The following COMMD10 variants were observed in gnomAD, a reference collection of about 807,000 sequenced individuals.
COMMD10 encodes the protein COMM domain-containing protein 10.
COMMD10 carries 33 observed loss-of-function variants against 28.9 expected under a neutral mutation model. That is an observed-to-expected ratio of 1.14 (90% confidence interval 0.87 to 1.53). The LOEUF (loss-of-function observed/expected upper bound fraction) is 1.53. Ranked by LOEUF, COMMD10 falls within the 40% of genes most tolerant of loss-of-function variation. The pLI is 0.00. For missense variants in COMMD10, 310 were observed against 233.4 expected, an observed-to-expected ratio of 1.33 and a Z score of -2.14; for synonymous variants, 110 against 81.7, an observed-to-expected ratio of 1.35 and a Z score of -1.87.
At chr5:116,207,613 C>A (rs1748845961) in intron 5 of COMMD10, among the ~76,000 whole-genome samples, 1 of 152,124 alleles carries the variant, frequency 6.6e-6, no homozygotes, top group Non-Finnish European at 1.5e-5. Context: ...GCAGCCTCCG[C>A]CTCCTGGGTT....
At chr5:116,087,236 G>T (rs988001157) in intron 1 of COMMD10, among the ~76,000 whole-genome samples, 1 of 152,114 alleles carries the variant, frequency 6.6e-6, no homozygotes, top group Non-Finnish European at 1.5e-5. Context: ...GCAGTACAAG[G>T]TTTCCCTAGT....
intron 5 of COMMD10, among the ~76,000 whole-genome samples, chr5:116,154,787 ATTT>A (rs35133023): frequency 5.1e-4 from 77 of 149,588 alleles, no homozygotes; most frequent in African/African-American, 1.1e-3. Flanking sequence ...ATAGCCCTTC[ATTT>A]TTTTTTTTTT....
rs1207963374 is a variant in COMMD10 at position 116,091,176 on chromosome 5, T to C, written c.230T>C (p.Phe77Ser). The C allele has an allele frequency of 1.9e-6, 3 of 1,589,030 alleles. No homozygotes were observed. The African/African-American group carries it at 4.0e-5, about 21-fold the overall frequency. Reference sequence around the variant, plus strand: ...CACCTAGTTCTTGAAACAATATCATTTATTTTAGAACAGGTATTTTTATTG... The same window carrying C: ...CACCTAGTTCTTGAAACAATATCATCTATTTTAGAACAGGTATTTTTATTG... ...DLHLVLETIS[F>S]ILEQAVYHNV... Residue 77 changes from phenylalanine to serine, a missense_variant, in exon 3 of 7, where the codon TTT (phenylalanine) becomes TCT (serine). By Grantham distance (155) the Phe-to-Ser change is radical. Coordinates refer to ENST00000274458, the MANE Select transcript of COMMD10 (RefSeq NM_016144.4).
chr5:116,183,682 C>T (rs1342943318), intron 5 of COMMD10, among the ~76,000 whole-genome samples: 1 of 152,096 alleles, frequency 6.6e-6, no homozygotes, highest in Non-Finnish European at 1.5e-5. Flanking sequence ...AGCACACTGA[C>T]ACAGAGTAAC....
chr5:116,114,972 G>T (rs1239617506), intron 4 of COMMD10, among the ~76,000 whole-genome samples: 1 of 152,086 alleles, frequency 6.6e-6, no homozygotes, highest in Non-Finnish European at 1.5e-5. Context: ...TTGCTTTTCA[G>T]TCCTGGTTGC....
intron 4 of COMMD10, among the ~76,000 whole-genome samples, chr5:116,114,097 G>T (rs532915137): frequency 6.6e-6 from 1 of 152,244 alleles, no homozygotes; most frequent in Admixed American, 6.5e-5. Context: ...TGTGGGTTTT[G>T]ATGGAGGATG....
Position 116,120,740 on chromosome 5 carries a change from G to C in COMMD10, c.400-13328G>C, listed in dbSNP as rs532657687. On this transcript the variant is annotated intron_variant, in intron 4 of 6. Transcript: ENST00000274458. Reference sequence around the variant, plus strand: ...TTTGAGACTGATCATTTTGTTACTTGTATTAGTACTTTTTTTTTTTTTATT... The same window carrying C: ...TTTGAGACTGATCATTTTGTTACTTCTATTAGTACTTTTTTTTTTTTTATT... Among the ~76,000 whole-genome samples the C allele has an allele frequency of 2.6e-4, 24 of 93,798 alleles. 1 individual carries two copies. Among genetic ancestry groups the C allele is most frequent in the Admixed American group, 2.0e-3 (16 of 8,120 alleles). The allele number at this position is 93,798 out of a possible 152,430, so 61.5% of individuals were successfully genotyped here. A position where few individuals can be genotyped will look rare whatever the true frequency, so the allele number is the denominator to read the frequency against.
intron 4 of COMMD10, among the ~76,000 whole-genome samples, chr5:116,123,775 A>G (rs921371827): frequency 3.3e-5 from 5 of 152,048 alleles, no homozygotes; most frequent in East Asian, 1.9e-4. Flanking sequence ...CAGAGATTCA[A>G]CTTCTTTCTG....
rs182691459 is a variant in COMMD10, at chr5:116,126,446, A to G, written c.400-7622A>G. On this transcript the variant is annotated intron_variant, in intron 4 of 6. Coordinates refer to ENST00000274458, the MANE Select transcript of COMMD10 (RefSeq NM_016144.4). Reference sequence around the variant, plus strand: ...CTACTTTAAAGTTCATATGGAACCAAAAAAGAGCCCTCATTGCCAAGTCAA... The same window carrying G: ...CTACTTTAAAGTTCATATGGAACCAGAAAAGAGCCCTCATTGCCAAGTCAA... Among the ~76,000 whole-genome samples the G allele has an allele frequency of 2.2e-4, 34 of 152,256 alleles. No individual in the cohort carries two copies. In the East Asian group the frequency reaches 5.6e-3, roughly 25 times the overall value.
intron 4 of COMMD10, among the ~76,000 whole-genome samples, chr5:116,096,956 T>G (rs564837658): frequency 1.8e-4 from 28 of 152,270 alleles, no homozygotes; most frequent in African/African-American, 6.5e-4. Context: ...GTTTATATTT[T>G]TCCTATATTT....
intron 5 of COMMD10, among the ~76,000 whole-genome samples, chr5:116,276,626 A>G (rs1415688219): frequency 1.3e-5 from 2 of 151,818 alleles, no homozygotes; most frequent in Non-Finnish European, 1.5e-5. Flanking sequence ...TTTTTATTCT[A>G]AATTTTAAAA....
intron 5 of COMMD10, among the ~76,000 whole-genome samples, chr5:116,211,457 C>T (rs1324871637): frequency 6.6e-6 from 1 of 152,036 alleles, no homozygotes; most frequent in Admixed American, 6.6e-5. Context: ...GTTGCACTAC[C>T]ACATTATGAT....
chr5:116,195,945 C>T (rs1748506254), intron 5 of COMMD10, among the ~76,000 whole-genome samples: 1 of 152,042 alleles, frequency 6.6e-6, no homozygotes, highest in African/African-American at 2.4e-5. Context: ...AAGATGTTGG[C>T]ATGGATGCAG....
intron 5 of COMMD10, among the ~76,000 whole-genome samples, chr5:116,253,567 G>C (rs1750187146): frequency 7.3e-6 from 1 of 136,072 alleles, no homozygotes; most frequent in African/African-American, 2.9e-5. Context: ...TGTGGTTTTT[G>C]TCTTTGGCTC....
At chr5:116,106,130 A>G (rs1750832061) in intron 4 of COMMD10, among the ~76,000 whole-genome samples, 1 of 151,100 alleles carries the variant, frequency 6.6e-6, no homozygotes, top group African/African-American at 2.4e-5. Context: ...TTAGTGCTAT[A>G]AATTTCCCTC....
chr5:116,137,834 T>A (rs1752074770), intron 5 of COMMD10, among the ~76,000 whole-genome samples: 1 of 151,988 alleles, frequency 6.6e-6, no homozygotes. Context: ...TGATTGTAGC[T>A]TTCCTGCAGT....
At chr5:116,206,891 G>C (rs1417506497) in intron 5 of COMMD10, among the ~76,000 whole-genome samples, 6 of 152,066 alleles carry the variant, frequency 3.9e-5, no homozygotes, top group Admixed American at 6.5e-5. Flanking sequence ...TGGATTGGTA[G>C]GCATTAGGAA....
At chr5:116,185,826 A>C (rs4305671) in intron 5 of COMMD10, among the ~76,000 whole-genome samples, 47,651 of 151,940 alleles carry the variant, frequency 0.31, 10,351 homozygotes, top group African/African-American at 0.62. Flanking sequence ...TAGACCCTTA[A>C]TATTTTCATT....
At chr5:116,257,383 T>A (rs1750316950) in intron 5 of COMMD10, among the ~76,000 whole-genome samples, 1 of 151,722 alleles carries the variant, frequency 6.6e-6, no homozygotes, top group South Asian at 2.1e-4. Context: ...CTTCTGTTTT[T>A]CTCCTAACAG....
Sources: allele counts gnomAD v4.1 joint callset (sites outside exome capture counted in the v4.1 genomes callset), GRCh38; gene constraint gnomAD v4.1.1; transcripts MANE v1.5; gene names NCBI Gene and HGNC (gene_info 2026-07-23, HGNC 2026-07-21).